Variants in GPR158 observed in about 807,000 individuals in gnomAD.
GPR158 encodes metabotropic glycine receptor.
GPR158 carries 30 observed loss-of-function variants against 78.2 expected under a neutral mutation model. That is an observed-to-expected ratio of 0.38 (90% CI 0.29 to 0.52). The LOEUF (loss-of-function observed/expected upper bound fraction) is 0.52. Ranked by LOEUF, GPR158 falls within the 20% of genes least tolerant of loss-of-function variation. The probability of loss-of-function intolerance (pLI) is 0.83; values close to 1 mark genes in which losing one functional copy is unlikely to be tolerated. For missense variants in GPR158, 1,463 were observed against 1,523.5 expected, an observed-to-expected ratio of 0.96 and a Z score of 0.66; for synonymous variants, 581 against 591.1, an observed-to-expected ratio of 0.98 and a Z score of 0.25.
chr10:25,250,476 T>C (rs1853778145), intron 2 of GPR158, among the ~76,000 whole-genome samples: 1 of 147,048 alleles, frequency 6.8e-6, no homozygotes, highest in Non-Finnish European at 1.5e-5. Flanking sequence ...CTCTACACAC[T>C]GCTTTGAATG....
chr10:25,531,328 A>G (rs1029779879), intron 5 of GPR158, among the ~76,000 whole-genome samples: 5 of 152,176 alleles, frequency 3.3e-5, no homozygotes, highest in Non-Finnish European at 7.3e-5. Context: ...GTAGGTAACA[A>G]AAAGTAAAAA....
intron 3 of GPR158, among the ~76,000 whole-genome samples, chr10:25,400,584 A>G (rs887600379): frequency 6.6e-6 from 1 of 152,210 alleles, no homozygotes; most frequent in Non-Finnish European, 1.5e-5. Flanking sequence ...ACATCTGGAT[A>G]GTAGCAGGAT....
At chr10:25,410,679 G>A (rs532537099) in intron 3 of GPR158, among the ~76,000 whole-genome samples, 6 of 152,234 alleles carry the variant, frequency 3.9e-5, no homozygotes, top group Admixed American at 2.0e-4. Context: ...TCATAAATAA[G>A]TAAACTAAGA....
At chr10:25,319,338 C>A (rs535090799) in intron 2 of GPR158, among the ~76,000 whole-genome samples, 1 of 152,146 alleles carries the variant, frequency 6.6e-6, no homozygotes, top group African/African-American at 2.4e-5. Context: ...AGAGGCCTGA[C>A]CCACTAGACT....
At chr10:25,338,438 T>TTATATATACGTAA (rs1245099349) in intron 2 of GPR158, among the ~76,000 whole-genome samples, 1 of 144,884 alleles carries the variant, frequency 6.9e-6, no homozygotes, top group African/African-American at 2.5e-5. Flanking sequence ...TATATACGTA[T>TTATATATACGTAA]TATATATACG....
intron 5 of GPR158, among the ~76,000 whole-genome samples, chr10:25,527,612 A>G (rs1048937287): frequency 1.5e-4 from 23 of 152,142 alleles, no homozygotes; most frequent in African/African-American, 5.3e-4. Context: ...ACAGAATTAA[A>G]TGCTAACATT....
chr10:25,261,210 A>T (rs1268436664), intron 2 of GPR158, among the ~76,000 whole-genome samples: 1 of 152,136 alleles, frequency 6.6e-6, no homozygotes, highest in Non-Finnish European at 1.5e-5. Context: ...AGCTAAGGTT[A>T]AGAACAACTG....
At chr10:25,433,018 T>G (rs893885341) in intron 4 of GPR158, among the ~76,000 whole-genome samples, 2 of 152,224 alleles carry the variant, frequency 1.3e-5, no homozygotes, top group African/African-American at 4.8e-5. Context: ...TGAATGACTT[T>G]GGGGCTATAG....
chr10:25,223,152 A>T (rs543275346), intron 2 of GPR158, among the ~76,000 whole-genome samples: 3 of 152,336 alleles, frequency 2.0e-5, no homozygotes, highest in South Asian at 2.1e-4. Flanking sequence ...ATATATGGGA[A>T]CATTATATTT....
chr10:25,538,827 C>CT (rs1395372736), intron 5 of GPR158, among the ~76,000 whole-genome samples: 2 of 152,138 alleles, frequency 1.3e-5, no homozygotes, highest in African/African-American at 4.8e-5. Context: ...AAACTTCTGT[C>CT]TTAAGTCACG....
chr10:25,585,933 C>T (rs574305921), intron 7 of GPR158, among the ~76,000 whole-genome samples: 4 of 152,142 alleles, frequency 2.6e-5, no homozygotes, highest in South Asian at 2.1e-4. Context: ...GTGCCACGAT[C>T]GTGCCACAAC....
intron 2 of GPR158, among the ~76,000 whole-genome samples, chr10:25,344,002 G>A (rs1324953306): frequency 6.6e-6 from 1 of 151,942 alleles, no homozygotes; most frequent in Non-Finnish European, 1.5e-5. Flanking sequence ...ACACTAACTG[G>A]AAGCCACTGG....
chr10:25,567,354 T>C (rs1836944034), intron 6 of GPR158, among the ~76,000 whole-genome samples: 2 of 152,160 alleles, frequency 1.3e-5, no homozygotes, highest in African/African-American at 4.8e-5. Flanking sequence ...GTTCTCAAAC[T>C]TTACCCTTCA....
At chr10:25,528,707 G>A (rs1311550970) in intron 5 of GPR158, among the ~76,000 whole-genome samples, 5 of 152,154 alleles carry the variant, frequency 3.3e-5, no homozygotes, top group Non-Finnish European at 5.9e-5. Flanking sequence ...TTGTTCTGTA[G>A]AATCATTGTA....
At chr10:25,249,781 G>A (rs1271961901) in intron 2 of GPR158, among the ~76,000 whole-genome samples, 2 of 151,866 alleles carry the variant, frequency 1.3e-5, no homozygotes, top group Non-Finnish European at 1.5e-5. Context: ...CTCTTTTTTT[G>A]TTCTGTCTCT....
At chr10:25,415,619 G>T (rs923557382) in intron 4 of GPR158, among the ~76,000 whole-genome samples, 2 of 151,992 alleles carry the variant, frequency 1.3e-5, no homozygotes, top group African/African-American at 4.8e-5. Flanking sequence ...ATTGAAGTAT[G>T]ATATGATCCA....
At chr10:25,553,487 T>C (rs1836751523) in intron 6 of GPR158, among the ~76,000 whole-genome samples, 2 of 152,134 alleles carry the variant, frequency 1.3e-5, no homozygotes, top group Admixed American at 1.3e-4. Context: ...TCTATATTGC[T>C]TAAATTTAAC....
chr10:25,451,714 C>T (rs948610078), intron 4 of GPR158, among the ~76,000 whole-genome samples: 16 of 152,072 alleles, frequency 1.1e-4, no homozygotes, highest in East Asian at 3.9e-4. Flanking sequence ...AATTATAAAG[C>T]GCGTACCTAC....
chr10:25,220,789 A>T (rs1853289231), intron 1 of GPR158, among the ~76,000 whole-genome samples: 1 of 152,168 alleles, frequency 6.6e-6, no homozygotes, highest in Non-Finnish European at 1.5e-5. Context: ...CAATCAACAC[A>T]TATTTATTGA....
Sources: allele counts gnomAD v4.1 joint callset (sites outside exome capture counted in the v4.1 genomes callset), GRCh38; gene constraint gnomAD v4.1.1; transcripts MANE v1.5; gene names NCBI Gene and HGNC (gene_info 2026-07-23, HGNC 2026-07-21).